Variants in RPH3A observed in about 807,000 individuals in gnomAD.
RPH3A encodes the protein rabphilin-3A.
Under a neutral mutation model 102.2 loss-of-function variants are expected in RPH3A, and 48 were observed. The observed-to-expected ratio is 0.47, with a 90% CI of 0.37 to 0.60. The LOEUF (loss-of-function observed/expected upper bound fraction) is 0.60, where lower values mean the gene tolerates loss of function less well. Among genes scored for constraint, RPH3A ranks in the 20% least tolerant of loss-of-function variants. The pLI is 0.00. For missense variants in RPH3A, 781 were observed against 910.1 expected (o/e 0.86, Z 1.83); for synonymous variants, 310 against 324.3 (o/e 0.96, Z 0.47).
intron 4 of RPH3A, among the ~76,000 whole-genome samples, chr12:112,843,008 G>A (rs1475369553): frequency 6.6e-6 from 1 of 151,820 alleles, no homozygotes; most frequent in Non-Finnish European, 1.5e-5. Context: ...CACATAGTAG[G>A]CCCTCTGGGT....
chr12:112,839,895 A>G lies in RPH3A; in HGVS notation c.83+3393A>G, dbSNP rs142064363. On this transcript the variant is annotated intron_variant, in intron 4 of 21. Transcript: ENST00000389385. ...TCCCAGCTACTCAGGAGGCTGACAC[A>G]GGAGAATTGCTTGAACCCAGGAGGT... Among the ~76,000 whole-genome samples the G allele has an allele frequency of 5.2e-4, 79 of 152,320 alleles. 1 individual carries two copies. The East Asian group carries it at 8.3e-3, about 16-fold the overall frequency.
chr12:112,883,854 G>GAT (rs940881939), intron 16 of RPH3A, among the ~76,000 whole-genome samples: 69 of 133,434 alleles, frequency 5.2e-4, no homozygotes, highest in South Asian at 2.0e-3. Flanking sequence ...AGAAGTAATG[G>GAT]ATATATATAT....
intron 1 of RPH3A, among the ~76,000 whole-genome samples, chr12:112,597,391 C>G (rs1159311751): frequency 6.6e-6 from 1 of 151,872 alleles, no homozygotes; most frequent in Non-Finnish European, 1.5e-5. Flanking sequence ...AAGACCAGCC[C>G]GGGCAACATG....
At chr12:112,870,482 G>T (rs1362238588) in intron 10 of RPH3A, among the ~76,000 whole-genome samples, 1 of 151,970 alleles carries the variant, frequency 6.6e-6, no homozygotes, top group Non-Finnish European at 1.5e-5. Context: ...TGCTCGTATT[G>T]GGTACCTCAC....
chr12:112,579,946 G>T (rs1316306629), intron 1 of RPH3A, among the ~76,000 whole-genome samples: 1 of 152,070 alleles, frequency 6.6e-6, no homozygotes, highest in Non-Finnish European at 1.5e-5. Context: ...TCTCGATTTT[G>T]ACATATTTCC....
chr12:112,824,648 C>A (rs1028856701), intron 2 of RPH3A, among the ~76,000 whole-genome samples: 2 of 152,114 alleles, frequency 1.3e-5, no homozygotes, highest in African/African-American at 2.4e-5. Context: ...ATAAAGAGTC[C>A]AATCCTGGGA....
chr12:112,883,143 C>G, intron 15 of RPH3A, 150 bp from the exon 16 acceptor site: 1 of 626,134 alleles, frequency 1.6e-6, no homozygotes, highest in Non-Finnish European at 2.9e-6. Flanking sequence ...ATCCCCCACT[C>G]CCTGAGAACA....
chr12:112,686,542 C>T (rs1383891529), intron 1 of RPH3A, among the ~76,000 whole-genome samples: 1 of 152,208 alleles, frequency 6.6e-6, no homozygotes, highest in African/African-American at 2.4e-5. Flanking sequence ...ATGAATCAGC[C>T]TGGGCTAGCC....
chr12:112,584,185 G>A (rs569038701), intron 1 of RPH3A, among the ~76,000 whole-genome samples: 3 of 152,218 alleles, frequency 2.0e-5, no homozygotes, highest in African/African-American at 7.2e-5. Context: ...GGTCTTTCAC[G>A]TGTAAATATC....
At chr12:112,714,058 T>TACATGAAGTGTGTGGC (rs2040498306) in intron 1 of RPH3A, among the ~76,000 whole-genome samples, 1 of 152,156 alleles carries the variant, frequency 6.6e-6, no homozygotes, top group African/African-American at 2.4e-5. Flanking sequence ...AGGTGGTTGG[T>TACATGAAGTGTGTGGC]ACATGAAGTG....
At chr12:112,847,378 T>G (rs1260599127) in intron 4 of RPH3A, among the ~76,000 whole-genome samples, 1 of 152,210 alleles carries the variant, frequency 6.6e-6, no homozygotes, top group Non-Finnish European at 1.5e-5. Context: ...GACTTCAGAC[T>G]TCCTGTCCTG....
chr12:112,868,647 T>C (rs2042653726), intron 8 of RPH3A, 52 bp downstream of exon 8: 3 of 1,570,864 alleles, frequency 1.9e-6, no homozygotes, highest in East Asian at 2.3e-5. Flanking sequence ...CTTAGCCAAC[T>C]GGTCTACCTG....
chr12:112,651,692 A>C (rs1349992847), intron 1 of RPH3A: 1 of 152,198 alleles, frequency 6.6e-6, no homozygotes, highest in Non-Finnish European at 1.5e-5. Context: ...CCATTTCCAG[A>C]ACCTTTTCAT....
At chr12:112,627,598 C>A (rs560019656) in intron 1 of RPH3A, among the ~76,000 whole-genome samples, 8 of 152,010 alleles carry the variant, frequency 5.3e-5, no homozygotes, top group South Asian at 2.1e-4. Context: ...CAAGAACAGA[C>A]TAGAGAAAGA....
At chr12:112,843,362 C>T (rs1413297112) in intron 4 of RPH3A, among the ~76,000 whole-genome samples, 1 of 152,174 alleles carries the variant, frequency 6.6e-6, no homozygotes, top group African/African-American at 2.4e-5. Context: ...CATTTTCAAA[C>T]ACGATGAGCT....
chr12:112,694,639 C>T (rs974569486), intron 1 of RPH3A, among the ~76,000 whole-genome samples: 58 of 107,008 alleles, frequency 5.4e-4, no homozygotes, highest in African/African-American at 2.2e-3. Flanking sequence ...CGCACGCGCG[C>T]GCGCGCACAC....
rs2043197142 is a variant in RPH3A, at chr12:112,897,286, C to T, written c.*506C>T. 1 of 158,850 alleles carries T rather than the reference C, an allele frequency of 6.3e-6. No homozygotes were observed. The allele number at this position is 158,850 out of a possible 1,614,324, so 9.8% of individuals were successfully genotyped here. ...ATAGAGCCTCCGGGCTCCCACTGCC[C>T]CCTGAGATGTACACCCTGATTGCCA... On this transcript the variant is annotated 3_prime_UTR_variant, in exon 22 of 22. Transcript: ENST00000389385.
chr12:112,897,145 T>TAC lies in RPH3A; in HGVS notation c.*394_*395dup, dbSNP rs10563429. The TAC allele has an allele frequency of 0.021, 3,774 of 183,616 alleles. 43 individuals are homozygous for TAC. Among genetic ancestry groups the TAC allele is most frequent in the South Asian group, 0.035 (296 of 8,410 alleles). 11.4% of individuals were successfully genotyped at this position (183,616 alleles called of 1,614,324 possible). Reference sequence around the variant, plus strand: ...CCTCCTAGCCTTGAACACACACATGTACACACACACACACACACACACACA... The same window carrying TAC: ...CCTCCTAGCCTTGAACACACACATGTACACACACACACACACACACACACACA... On this transcript the variant is annotated 3_prime_UTR_variant, in exon 22 of 22. Coordinates refer to ENST00000389385, the MANE Select transcript of RPH3A (RefSeq NM_001143854.2).
chr12:112,682,355 CT>C (rs35365778), intron 1 of RPH3A, among the ~76,000 whole-genome samples: 72,284 of 116,318 alleles, frequency 0.62, 18,574 homozygotes, highest in East Asian at 0.7. Context: ...TTCTTTCTTT[CT>C]TTTTTTTTTT....
Sources: gnomAD v4.1 joint callset for allele counts (sites outside exome capture counted in the v4.1 genomes callset) on GRCh38, gnomAD v4.1.1 for gene constraint, MANE v1.5 for transcripts, NCBI Gene and HGNC (gene_info 2026-07-23, HGNC 2026-07-21) for gene names.